Variants in SLC44A5 observed in about 807,000 individuals in gnomAD.
SLC44A5 encodes the protein solute carrier family 44 member 5.
A neutral mutation model predicts 101.8 loss-of-function variants in SLC44A5; 57 were observed. The ratio of observed to expected loss-of-function variants is 0.56; its 90% confidence interval spans 0.45 to 0.70. SLC44A5 has a LOEUF of 0.70. Among genes scored for constraint, SLC44A5 ranks in the 30% least tolerant of loss-of-function variants. The probability of loss-of-function intolerance (pLI) is 0.00; values close to 1 mark genes in which losing one functional copy is unlikely to be tolerated. For synonymous variants in SLC44A5, 281 were observed against 290.9 expected, an observed-to-expected ratio of 0.97 and a Z score of 0.35; for missense variants, 737 against 853.1, an observed-to-expected ratio of 0.86 and a Z score of 1.70.
At chr1:75,638,106 T>C in the SLC44A5 span, among the ~76,000 whole-genome samples, 1 of 152,190 alleles carries the variant, frequency 6.6e-6, no homozygotes, top group South Asian at 2.1e-4. Context: ...TTGTATTAAC[T>C]CTTTTAATCC....
At chr1:75,441,497 A>G (rs1313739123) in intron 2 of SLC44A5, among the ~76,000 whole-genome samples, 2 of 151,484 alleles carry the variant, frequency 1.3e-5, no homozygotes, top group Non-Finnish European at 2.9e-5. Flanking sequence ...AAGTCAAGGA[A>G]AAAAAAAACA....
At chr1:75,496,900 A>T (rs1668706250) in intron 2 of SLC44A5, among the ~76,000 whole-genome samples, 1 of 152,148 alleles carries the variant, frequency 6.6e-6, no homozygotes, top group Admixed American at 6.5e-5. Context: ...ATCACTAATC[A>T]TCAGGGAAAT....
the SLC44A5 span, among the ~76,000 whole-genome samples, chr1:75,629,602 T>G: frequency 6.6e-6 from 1 of 152,142 alleles, no homozygotes. Context: ...TCACTCACAC[T>G]ATAGCACAGC....
chr1:75,243,326 G>A (rs945986873), intron 7 of SLC44A5, among the ~76,000 whole-genome samples: 1 of 151,688 alleles, frequency 6.6e-6, no homozygotes, highest in Non-Finnish European at 1.5e-5. Flanking sequence ...TTGCAGAGTC[G>A]GGGTTTTGCC....
chr1:75,352,736 A>G (rs1658779614), intron 3 of SLC44A5, among the ~76,000 whole-genome samples: 1 of 152,156 alleles, frequency 6.6e-6, no homozygotes. Context: ...GACCCTATAA[A>G]AGAACAATTT....
the SLC44A5 span, among the ~76,000 whole-genome samples, chr1:75,663,225 A>G: frequency 1.1e-4 from 16 of 152,260 alleles, no homozygotes; most frequent in East Asian, 3.1e-3. Context: ...GTGTGAGAAG[A>G]TGGGCTTTTG....
At chr1:75,654,034 T>G in the SLC44A5 span, among the ~76,000 whole-genome samples, 1 of 152,218 alleles carries the variant, frequency 6.6e-6, no homozygotes, top group Non-Finnish European at 1.5e-5. Flanking sequence ...CATTTAGAAA[T>G]GGATAGCATT....
intron 6 of SLC44A5, among the ~76,000 whole-genome samples, chr1:75,252,124 T>A (rs1649628358): frequency 1.3e-5 from 2 of 152,104 alleles, no homozygotes; most frequent in East Asian, 3.9e-4. Context: ...CCCTTGAGAG[T>A]CCAAATGTCT....
intron 2 of SLC44A5, among the ~76,000 whole-genome samples, chr1:75,449,463 C>T (rs548900883): frequency 1.5e-4 from 23 of 152,272 alleles, no homozygotes; most frequent in South Asian, 8.3e-4. Flanking sequence ...GATAGTTAGC[C>T]TATGTGGCTC....
At chr1:75,549,114 T>C (rs1671801514) in intron 1 of SLC44A5, among the ~76,000 whole-genome samples, 1 of 146,672 alleles carries the variant, frequency 6.8e-6, no homozygotes, top group African/African-American at 2.5e-5. Context: ...CATGTTCTTT[T>C]TTTACCTAAG....
At chr1:75,529,421 C>T (rs1670600477) in intron 2 of SLC44A5, among the ~76,000 whole-genome samples, 1 of 152,180 alleles carries the variant, frequency 6.6e-6, no homozygotes, top group South Asian at 2.1e-4. Flanking sequence ...AGCACCCACA[C>T]AGTCCATCTT....
chr1:75,674,384 AT>A, the SLC44A5 span, among the ~76,000 whole-genome samples: 25 of 148,556 alleles, frequency 1.7e-4, no homozygotes, highest in East Asian at 3.9e-4. Flanking sequence ...AGAAAAAAGG[AT>A]TTTTTTTTTT....
chr1:75,714,103 C>T, the SLC44A5 span, among the ~76,000 whole-genome samples: 1 of 147,530 alleles, frequency 6.8e-6, no homozygotes, highest in Non-Finnish European at 1.5e-5. Context: ...TGTTCTCAAC[C>T]TTGATGAACA....
At chr1:75,614,256 T>G (rs1570747669), upstream of SLC44A5, among the ~76,000 whole-genome samples, 2 of 152,224 alleles carry the variant, frequency 1.3e-5, no homozygotes, top group Non-Finnish European at 2.9e-5. Context: ...TCTCTCTTCT[T>G]TCTTTACTCG....
At chr1:75,562,277 A>C (rs1483912366) in intron 1 of SLC44A5, among the ~76,000 whole-genome samples, 6 of 152,088 alleles carry the variant, frequency 3.9e-5, no homozygotes, top group Admixed American at 3.9e-4. Context: ...CTCTATGGAA[A>C]ATGTTTTTAA....
chr1:75,437,406 C>T (rs1664952856), intron 2 of SLC44A5, among the ~76,000 whole-genome samples: 1 of 152,084 alleles, frequency 6.6e-6, no homozygotes, highest in Non-Finnish European at 1.5e-5. Flanking sequence ...TATCATTATG[C>T]AGCACATGAC....
At chr1:75,618,973 G>C in the SLC44A5 span, among the ~76,000 whole-genome samples, 2 of 150,654 alleles carry the variant, frequency 1.3e-5, no homozygotes, top group Non-Finnish European at 1.5e-5. Context: ...GGGAGGCTGA[G>C]ACAGGAGAAT....
At chr1:75,303,052 G>C (rs1339397723) in intron 4 of SLC44A5, among the ~76,000 whole-genome samples, 1 of 152,144 alleles carries the variant, frequency 6.6e-6, no homozygotes, top group Non-Finnish European at 1.5e-5. Flanking sequence ...TCAAATAAGG[G>C]AGAACAACTG....
chr1:75,257,191 T>G (rs1650087473), intron 6 of SLC44A5, among the ~76,000 whole-genome samples: 1 of 152,156 alleles, frequency 6.6e-6, no homozygotes, highest in South Asian at 2.1e-4. Flanking sequence ...AAATTGTGTG[T>G]GGATACTGGT....
Sources: gnomAD v4.1 joint callset for allele counts (sites outside exome capture counted in the v4.1 genomes callset) on GRCh38, gnomAD v4.1.1 for gene constraint, MANE v1.5 for transcripts, NCBI Gene and HGNC (gene_info 2026-07-23, HGNC 2026-07-21) for gene names.